The following STARD9 variants were observed in gnomAD, a reference collection of about 807,000 sequenced individuals.
STARD9 encodes the protein stAR-related lipid transfer protein 9.
Under a neutral mutation model 399.8 loss-of-function variants are expected in STARD9, and 346 were observed. The ratio of observed to expected loss-of-function variants is 0.87; its 90% confidence interval spans 0.79 to 0.95. The LOEUF is 0.95. Among genes scored for constraint, STARD9 ranks in the 40% least tolerant of loss-of-function variants. The probability of loss-of-function intolerance (pLI) is 0.00; values close to 1 mark genes in which losing one functional copy is unlikely to be tolerated. For missense variants in STARD9, 5,832 were observed against 5,667.5 expected, an observed-to-expected ratio of 1.03 and a Z score of -0.93; for synonymous variants, 2,203 against 2,143.5, an observed-to-expected ratio of 1.03 and a Z score of -0.77.
chr15:42,648,253 C>T (rs1182864690), intron 7 of STARD9, among the ~76,000 whole-genome samples: 6 of 152,156 alleles, frequency 3.9e-5, no homozygotes, highest in Non-Finnish European at 1.5e-5. Flanking sequence ...ACCTCCGCCT[C>T]CTGGGTTTGA....
At position 42,690,736 on chromosome 15, in the gene STARD9, G is replaced by A. The variant is rs569918428; in HGVS notation, c.9158G>A (p.Arg3053Gln). 93 of 1,537,202 alleles carry A rather than the reference G, an allele frequency of 6.0e-5. No homozygotes were observed. Among genetic ancestry groups the A allele is most frequent in the South Asian group, 4.5e-4 (38 of 84,060 alleles). The change falls in exon 23 of 33, where the codon CGA (arginine) becomes CAA (glutamine). Residue 3053 changes from arginine to glutamine, a missense_variant. Physicochemically the swap from Arg to Gln is conservative, Grantham distance 43 (BLOSUM62 1). Coordinates refer to ENST00000290607, the MANE Select transcript of STARD9 (RefSeq NM_020759.3). Reference sequence around the variant, plus strand: ...TCTACTGTGGCTGCTGTCCTATCTCGAGCTCAAGGCTGCAGATCCCCTTCT... The same window carrying A: ...TCTACTGTGGCTGCTGTCCTATCTCAAGCTCAAGGCTGCAGATCCCCTTCT... The part of the protein sequence containing the change: ...EPSTVAAVLS[R>Q]AQGCRSPSAP...
At chr15:42,703,221 C>T (rs757304784) in intron 26 of STARD9, among the ~76,000 whole-genome samples, 1 of 152,116 alleles carries the variant, frequency 6.6e-6, no homozygotes, top group Non-Finnish European at 1.5e-5. Context: ...TTTACCTTTC[C>T]ATACCTCAAT....
chr15:42,690,358 G>T lies in STARD9; in HGVS notation c.8780G>T (p.Gly2927Val). 6.5e-7 allele frequency: 1 copy of T among 1,537,206 alleles called. No individual in the cohort carries two copies. Among genetic ancestry groups the T allele is most frequent in the Non-Finnish European group, 8.7e-7 (1 of 1,146,892 alleles). ...AGACACCCAAGGGAAGCTTTAGATG[G>T]CCCTGTCTTCTCAAGGAACCCTGAA... Reference protein sequence around the residue: ...PCRHPREALDGPVFSRNPEGS... With the variant: ...PCRHPREALDVPVFSRNPEGS... The change falls in exon 23 of 33, where the codon GGC (glycine) becomes GTC (valine). Residue 2927 changes from glycine (G) to valine (V), a missense_variant. Gly to Val is a moderately radical substitution (Grantham distance 109). Around this residue, in one of 2 missense-constraint regions of STARD9, gnomAD observed 5,828 missense variants for 5,651.1 expected, o/e 1.03. Transcript: ENST00000290607.
At chr15:42,702,500 C>T (rs1272280164) in intron 26 of STARD9, among the ~76,000 whole-genome samples, 1 of 152,140 alleles carries the variant, frequency 6.6e-6, no homozygotes, top group East Asian at 1.9e-4. Context: ...CCGCGCCCGG[C>T]CTGTTGTTAT....
intron 9 of STARD9, among the ~76,000 whole-genome samples, chr15:42,660,857 C>G (rs1429761027): frequency 6.6e-6 from 1 of 151,974 alleles, no homozygotes; most frequent in Non-Finnish European, 1.5e-5. Context: ...GTAAATTGTA[C>G]TGAAATTTCC....
Position 42,718,102 on chromosome 15 carries a change from C to A in STARD9, c.13685C>A (p.Pro4562His), listed in dbSNP as rs1388806877. The change falls in exon 30 of 33, where the codon CCC becomes CAC. Residue 4562 changes from proline to histidine, a missense_variant. This residue lies in a region of STARD9 where 5,828 missense variants were observed against 5,651.1 expected (regional missense o/e 1.03). Coordinates refer to ENST00000290607, the MANE Select transcript of STARD9 (RefSeq NM_020759.3). ...CGTGTGTGGGCGGCTGTCAGTGACC[C>A]CACTGTGTGGCCCCTGTATTACAAG... Reference protein sequence around the residue: ...LSRVWAAVSDPTVWPLYYKPI... With the variant: ...LSRVWAAVSDHTVWPLYYKPI... The A allele has an allele frequency of 2.0e-6, 3 of 1,537,110 alleles. No homozygotes were observed. The African/African-American group carries it at 4.1e-5, about 21-fold the overall frequency.
rs909995096 is a variant in STARD9, at chr15:42,691,890, C to T, written c.10312C>T (p.Arg3438Ter). The change falls in exon 23 of 33, where the codon CGA (arginine) becomes TGA (stop). Residue 3438 changes from arginine to a stop codon, truncating the protein, a stop_gained. Transcript: ENST00000290607. LOFTEE classifies it high-confidence loss of function. The part of the protein sequence containing the change: ...GTLEQAQQGK[R>*]EKLGVQVRPE... ...TTTGGAACAAGCCCAACAGGGAAAG[C>T]GAGAGAAACTGGGTGTCCAGGTTAG... 1.4e-5 allele frequency: 21 copies of T among 1,537,106 alleles called. No individual in the cohort carries two copies. The highest frequency in any genetic ancestry group is 4.1e-5 in the African/African-American group (3 of 73,026).
chr15:42,585,718 T>G (rs1413341745), intron 3 of STARD9, 81 bp downstream of exon 3: 7 of 955,434 alleles, frequency 7.3e-6, no homozygotes, highest in East Asian at 5.3e-5. Context: ...AAAGATACTT[T>G]GCAAGGTTAG....
Position 42,718,016 on chromosome 15 carries a change from G to C in STARD9, c.13599G>C (p.Lys4533Asn), listed in dbSNP as rs575069232. 4 of 1,537,200 alleles carry C rather than the reference G, an allele frequency of 2.6e-6. No individual in the cohort carries two copies. The East Asian group carries it at 9.8e-5, about 38-fold the overall frequency. ...AGCAGGCGGTGCAGCTTTACTACAA[G>C]GTGTTTTCTCCCACTCGGCATGGCT... is the stretch of plus-strand genomic sequence containing the variant. Reference protein sequence around the residue: ...GEEQAVQLYYKVFSPTRHGFL... With the variant: ...GEEQAVQLYYNVFSPTRHGFL... Residue 4533 changes from lysine to asparagine, a missense_variant, in exon 30 of 33, where the codon AAG becomes AAC. Physicochemically the swap from Lys to Asn is moderately conservative, Grantham distance 94 (BLOSUM62 0). Transcript: ENST00000290607.
intron 12 of STARD9, 51 bp from the exon 13 acceptor site, chr15:42,663,769 A>G (rs938047): frequency 0.22 from 285,819 of 1,318,754 alleles, 36,690 homozygotes; most frequent in African/African-American, 0.49. Context: ...AGTGATTAAG[A>G]GCTGGGATGG....
In STARD9 at chr15:42,693,275, C is replaced by T. The variant is rs767416672; in HGVS notation, c.11697C>T (p.Ser3899=). ...CTTTGTTCGTGGACAGGGCCTCCTC[C>T]CCAATCCTCACTCTTAGTGCCAGCA... The part of the protein sequence containing the change: ...TSALFVDRAS[S]PILTLSASTQ... The change falls in exon 23 of 33, where the codon TCC becomes TCT. Residue 3899 remains serine (S), a synonymous_variant. Transcript: ENST00000290607. 2 of 1,537,120 alleles carry T rather than the reference C, an allele frequency of 1.3e-6. No individual in the cohort carries two copies. Among genetic ancestry groups the T allele is most frequent in the Non-Finnish European group, 8.7e-7 (1 of 1,146,894 alleles).
In STARD9 at chr15:42,681,409, G is replaced by A. The variant is rs568769349; in HGVS notation, c.1875-13G>A. On this transcript the variant is annotated splice_polypyrimidine_tract_variant and intron_variant, in intron 20 of 32. Transcript: ENST00000290607. ...CATTTCCCCTTGGGTAACCTCAGCC[G>A]CTTCTGTGACAGGAGAGCGCTTGAA... 158 of 1,533,222 alleles carry A rather than the reference G, an allele frequency of 1.0e-4. 1 individual carries two copies. In the South Asian group the frequency reaches 1.6e-3, roughly 15 times the overall value. The allele number at this position is 1,533,222 out of a possible 1,614,324, so 95.0% of individuals were successfully genotyped here.
rs1265581573 is a variant in STARD9 at position 42,695,777 on chromosome 15, G to A, written c.13181G>A (p.Ser4394Asn). The A allele has an allele frequency of 2.6e-6, 4 of 1,537,272 alleles. No homozygotes were observed. In the South Asian group the frequency reaches 4.8e-5, roughly 18 times the overall value. The change falls in exon 26 of 33, where the codon AGC becomes AAC. Residue 4394 changes from serine to asparagine, a missense_variant. Coordinates refer to ENST00000290607, the MANE Select transcript of STARD9 (RefSeq NM_020759.3). ...EDKLHTLANSSSLCTSSNGSL... is the reference protein window; with the variant it reads ...EDKLHTLANSNSLCTSSNGSL... ...AAACTACATACCTTGGCCAATTCCA[G>A]CTCCCTGTGCACCAGCTCTAATGGA...
chr15:42,623,218 C>T (rs1348412887), intron 3 of STARD9, among the ~76,000 whole-genome samples: 2 of 152,056 alleles, frequency 1.3e-5, no homozygotes, highest in Non-Finnish European at 2.9e-5. Flanking sequence ...TGCCATTGCA[C>T]TCCAGCCTGG....
Position 42,695,323 on chromosome 15 carries a change from G to T in STARD9, c.13146G>T (p.Lys4382Asn), listed in dbSNP as rs377146056. 2.4e-5 allele frequency: 36 copies of T among 1,528,886 alleles called. No homozygotes were observed. The highest frequency in any genetic ancestry group is 5.9e-5 in the Admixed American group (3 of 50,614). 94.7% of individuals were successfully genotyped at this position (1,528,886 alleles called of 1,614,324 possible). ...IHQKIISQLL[K>N]EEDKLHTLAN... is the part of the protein sequence containing the mutation. ...AGAAGATCATTTCCCAGCTATTGAA[G>T]GTGTGGAGTGGGGCATGCCTCTGAT... The change falls in exon 25 of 33, where the codon AAG (lysine) becomes AAT (asparagine). Residue 4382 changes from lysine (K) to asparagine (N), a missense_variant and splice_region_variant. Transcript: ENST00000290607.
Position 42,684,591 on chromosome 15 carries a change from G to A in STARD9, c.3013G>A (p.Ala1005Thr), listed in dbSNP as rs1361783277. ...NLGTHKAAKG[A>T]SCNSLYPHGP... is the part of the protein sequence containing the mutation. ...TGGGACCCACAAGGCTGCTAAGGGA[G>A]CCAGTTGCAATTCCTTGTATCCTCA... Residue 1005 changes from alanine (A) to threonine (T), a missense_variant, in exon 23 of 33, where the codon GCC becomes ACC. Around this residue, in one of 2 missense-constraint regions of STARD9, gnomAD observed 5,828 missense variants for 5,651.1 expected, o/e 1.03. Coordinates refer to ENST00000290607, the MANE Select transcript of STARD9 (RefSeq NM_020759.3). 2 of 1,537,156 alleles carry A rather than the reference G, an allele frequency of 1.3e-6. No homozygotes were observed. Among genetic ancestry groups the A allele is most frequent in the African/African-American group, 2.7e-5 (2 of 73,060 alleles).
Position 42,694,628 on chromosome 15 carries a change from C to A in STARD9, c.12865C>A (p.Leu4289Met). The change falls in exon 24 of 33, where the codon CTG becomes ATG. Residue 4289 changes from leucine (L) to methionine (M), a missense_variant. Transcript: ENST00000290607. ...SLSPQKQLSL[L>M]PNKDLFIWDL... ...TAGCCCTCAGAAACAACTGAGCCTC[C>A]TGCCCAACAAAGATCTCTTCATCTG... 1 of 1,537,204 alleles carries A rather than the reference C, an allele frequency of 6.5e-7. No homozygotes were observed. The highest frequency in any genetic ancestry group is 8.7e-7 in the Non-Finnish European group (1 of 1,146,884).
chr15:42,593,021 T>C (rs2058432114), intron 3 of STARD9, among the ~76,000 whole-genome samples: 1 of 152,254 alleles, frequency 6.6e-6, no homozygotes, highest in South Asian at 2.1e-4. Context: ...AAAGAGTTAT[T>C]GTGAGGAGGA....
chr15:42,699,537 G>T (rs921696866), intron 26 of STARD9, among the ~76,000 whole-genome samples: 2 of 150,984 alleles, frequency 1.3e-5, no homozygotes, highest in African/African-American at 4.9e-5. Context: ...GGGACTACAG[G>T]TGCCCGCCAC....
Sources: allele counts gnomAD v4.1 joint callset (sites outside exome capture counted in the v4.1 genomes callset), GRCh38; gene constraint gnomAD v4.1.1; regional missense constraint gnomAD v4.1.1; transcripts MANE v1.5; gene names NCBI Gene and HGNC (gene_info 2026-07-23, HGNC 2026-07-21).